Variants in CSMD1 observed in about 807,000 individuals in gnomAD.
CSMD1 encodes CUB and sushi domain-containing protein 1.
A neutral mutation model predicts 417.5 loss-of-function variants in CSMD1; 213 were observed. The ratio of observed to expected loss-of-function variants is 0.51; its 90% CI spans 0.46 to 0.57. The LOEUF is 0.57. CSMD1 is among the 20% of genes least tolerant of loss of function. The probability of loss-of-function intolerance (pLI) is 0.00; values close to 1 mark genes in which losing one functional copy is unlikely to be tolerated. For synonymous variants in CSMD1, 2,862 were observed against 1,736.8 expected (o/e 1.65, Z -16.11); for missense variants, 6,923 against 4,529.7 (o/e 1.53, Z -15.17).
chr8:4,492,397 G>C (rs1801749506), intron 2 of CSMD1, among the ~76,000 whole-genome samples: 2 of 152,146 alleles, frequency 1.3e-5, no homozygotes, highest in South Asian at 4.1e-4. Flanking sequence ...CCAAATATCT[G>C]ACATTCTGGA....
chr8:3,454,805 T>A (rs1024005967), intron 12 of CSMD1, among the ~76,000 whole-genome samples: 3 of 152,188 alleles, frequency 2.0e-5, no homozygotes, highest in Admixed American at 6.5e-5. Flanking sequence ...GTTGCTCTTC[T>A]CGAGGAGTAT....
At chr8:3,725,826 T>C (rs1478986620) in intron 6 of CSMD1, among the ~76,000 whole-genome samples, 2 of 152,258 alleles carry the variant, frequency 1.3e-5, no homozygotes, top group Admixed American at 1.3e-4. Context: ...ACTCAGTATC[T>C]CAACCCATGT....
At chr8:4,729,832 G>C (rs771371975) in intron 1 of CSMD1, among the ~76,000 whole-genome samples, 1 of 152,152 alleles carries the variant, frequency 6.6e-6, no homozygotes, top group African/African-American at 2.4e-5. Context: ...CACAGTAAAA[G>C]CAAAGATACT....
chr8:4,444,673 T>G (rs954744950), intron 2 of CSMD1, among the ~76,000 whole-genome samples: 3 of 152,178 alleles, frequency 2.0e-5, no homozygotes, highest in African/African-American at 7.2e-5. Context: ...TGTGATGACA[T>G]GTTGAAAACA....
At chr8:4,855,923 G>A (rs1012691449) in intron 1 of CSMD1, among the ~76,000 whole-genome samples, 2 of 149,556 alleles carry the variant, frequency 1.3e-5, no homozygotes, top group African/African-American at 4.9e-5. Context: ...ACGCCACAAA[G>A]ATACTCCTCG....
chr8:3,889,498 A>G lies in CSMD1; in HGVS notation c.818+108405T>C, dbSNP rs1358345457. Among the ~76,000 whole-genome samples the G allele has an allele frequency of 5.1e-5, 5 of 97,452 alleles. 1 individual carries two copies. The South Asian group carries it at 1.1e-3, about 22-fold the overall frequency. The allele number at this position is 97,452 out of a possible 152,430, so 63.9% of individuals were successfully genotyped here. On this transcript the variant is annotated intron_variant, in intron 5 of 69. Transcript: ENST00000635120. ...ATATATATATATATATATATAAAAT[A>G]TGCTCATTAGGTCATGATATATACA... is the stretch of plus-strand genomic sequence containing the variant.
At chr8:3,459,711 G>C (rs1392256473) in intron 12 of CSMD1, among the ~76,000 whole-genome samples, 1 of 152,096 alleles carries the variant, frequency 6.6e-6, no homozygotes, top group African/African-American at 2.4e-5. Flanking sequence ...GTTCCGAAAG[G>C]TCATCATTCA....
chr8:3,983,603 C>T (rs578146896), intron 5 of CSMD1, among the ~76,000 whole-genome samples: 5 of 152,258 alleles, frequency 3.3e-5, no homozygotes, highest in Admixed American at 6.5e-5. Context: ...TTTTCATAAA[C>T]CCCATTTATC....
chr8:4,029,821 C>A (rs1036538848), intron 4 of CSMD1, among the ~76,000 whole-genome samples: 1 of 152,150 alleles, frequency 6.6e-6, no homozygotes, highest in Non-Finnish European at 1.5e-5. Context: ...TAATAAAATA[C>A]AAGCTAGTTA....
At chr8:3,708,348 C>G in intron 7 of CSMD1, 66 bp downstream of exon 7, 2 of 1,372,822 alleles carry the variant, frequency 1.5e-6, no homozygotes, top group South Asian at 2.3e-5. Flanking sequence ...CGCTTCTTAA[C>G]TGCTCCATTC....
chr8:3,962,348 G>C (rs975393301), intron 5 of CSMD1, among the ~76,000 whole-genome samples: 31 of 152,244 alleles, frequency 2.0e-4, no homozygotes, highest in African/African-American at 7.2e-4. Flanking sequence ...AAGATCCCAA[G>C]TACAGTGCAC....
At chr8:4,354,010 A>C (rs1801252964) in intron 3 of CSMD1, among the ~76,000 whole-genome samples, 1 of 152,220 alleles carries the variant, frequency 6.6e-6, no homozygotes, top group African/African-American at 2.4e-5. Context: ...GTTGTTCAGC[A>C]CATTCTTCAG....
At chr8:3,175,513 T>C (rs369197666) in intron 37 of CSMD1, among the ~76,000 whole-genome samples, 8 of 53,772 alleles carry the variant, frequency 1.5e-4, no homozygotes, top group Non-Finnish European at 3.2e-4. Flanking sequence ...GCCTGCCTTT[T>C]TTCCTTCCTT....
intron 5 of CSMD1, among the ~76,000 whole-genome samples, chr8:3,919,566 G>A (rs976453905): frequency 3.9e-5 from 6 of 152,098 alleles, no homozygotes; most frequent in Non-Finnish European, 7.4e-5. Context: ...ATCAGGACAT[G>A]TGATGCCTTC....
chr8:4,910,314 C>A lies in CSMD1; in HGVS notation c.85+84018G>T, dbSNP rs557553193. Reference sequence around the variant, plus strand: ...ATCTTGATTTATACAACTTTATAAGCTTTTTCTGTCAATGTTGATGATGTA... The same window carrying A: ...ATCTTGATTTATACAACTTTATAAGATTTTTCTGTCAATGTTGATGATGTA... On this transcript the variant is annotated intron_variant, in intron 1 of 69. Transcript: ENST00000635120. Among the ~76,000 whole-genome samples the A allele has an allele frequency of 2.6e-5, 4 of 152,134 alleles. No homozygotes were observed. In the East Asian group the frequency reaches 7.7e-4, roughly 29 times the overall value.
intron 2 of CSMD1, among the ~76,000 whole-genome samples, chr8:4,506,395 G>C (rs1294150832): frequency 6.6e-6 from 1 of 152,088 alleles, no homozygotes; most frequent in Non-Finnish European, 1.5e-5. Context: ...GCAAAGGGGA[G>C]AGAGAGAAAG....
At chr8:3,775,444 C>T (rs1178482732) in intron 5 of CSMD1, among the ~76,000 whole-genome samples, 1 of 151,972 alleles carries the variant, frequency 6.6e-6, no homozygotes, top group African/African-American at 2.4e-5. Context: ...GGGGAGGGGG[C>T]AAAAACAATC....
At chr8:4,714,048 G>C (rs554797014) in intron 1 of CSMD1, among the ~76,000 whole-genome samples, 12 of 152,188 alleles carry the variant, frequency 7.9e-5, no homozygotes, top group South Asian at 4.2e-4. Context: ...GGGAGACTGA[G>C]GCAGGAGGAT....
chr8:3,532,298 C>A (rs1798016311), intron 10 of CSMD1, among the ~76,000 whole-genome samples: 1 of 152,150 alleles, frequency 6.6e-6, no homozygotes, highest in Admixed American at 6.6e-5. Context: ...GTGTCACTGG[C>A]TGGCTCTTCT....
Sources: gnomAD v4.1 joint callset for allele counts (sites outside exome capture counted in the v4.1 genomes callset) on GRCh38, gnomAD v4.1.1 for gene constraint, MANE v1.5 for transcripts, NCBI Gene and HGNC (gene_info 2026-07-23, HGNC 2026-07-21) for gene names.